CPNE1: variants seen among roughly 807,000 people sequenced by gnomAD.
CPNE1 encodes the protein copine-1.
Under a neutral mutation model 63.2 loss-of-function variants are expected in CPNE1, and 58 were observed. The observed-to-expected ratio is 0.92, with a 90% CI of 0.74 to 1.14. CPNE1 has a LOEUF of 1.14. Ranked by LOEUF, CPNE1 falls within the 50% of genes most tolerant of loss-of-function variation. CPNE1 has a pLI of 0.00. For missense variants in CPNE1, 672 were observed against 661.7 expected (o/e 1.02, Z -0.17); for synonymous variants, 237 against 249.0 (o/e 0.95, Z 0.45).
In CPNE1 at chr20:35,645,234, T is replaced by TA. The variant is rs777978117; in HGVS notation, c.1-12312dup. 1.1e-3 allele frequency among the ~76,000 whole-genome samples: 162 copies of TA among 152,196 alleles called. 2 individuals are homozygous for TA. Among genetic ancestry groups the TA allele is most frequent in the Non-Finnish European group, 3.4e-4 (23 of 68,022 alleles). Reference sequence around the variant, plus strand: ...CCTATTGTTCATAATGCAAGCCCCTTACCCTTCACTGGAATAAATTCATTT... The same window carrying TA: ...CCTATTGTTCATAATGCAAGCCCCTTAACCCTTCACTGGAATAAATTCATTT... On this transcript the variant is annotated intron_variant, in intron 1 of 15. Coordinates refer to ENST00000397443, the MANE Select transcript of CPNE1 (RefSeq NM_152925.3).
At chr20:35,629,020 T>A (rs1028369433) in intron 13 of CPNE1, among the ~76,000 whole-genome samples, 2 of 152,254 alleles carry the variant, frequency 1.3e-5, no homozygotes, top group African/African-American at 2.4e-5. Flanking sequence ...AAACACATAT[T>A]TTTAATCTTT....
At chr20:35,658,300 C>T (rs1226636387) in intron 1 of CPNE1, among the ~76,000 whole-genome samples, 1 of 152,098 alleles carries the variant, frequency 6.6e-6, no homozygotes, top group Non-Finnish European at 1.5e-5. Flanking sequence ...ATATCAATAA[C>T]AAGCATCTGT....
At chr20:35,644,312 G>C (rs2032990978) in intron 1 of CPNE1, among the ~76,000 whole-genome samples, 1 of 152,142 alleles carries the variant, frequency 6.6e-6, no homozygotes, top group Admixed American at 6.5e-5. Flanking sequence ...ATAACTAGCA[G>C]GACAGGGACA....
intron 1 of CPNE1, chr20:35,658,805 ACAC>A: frequency 1.5e-5 from 2 of 129,074 alleles, no homozygotes; most frequent in South Asian, 5.7e-5. Flanking sequence ...AAACAAAAAC[ACAC>A]ACACACACAC....
intron 1 of CPNE1, among the ~76,000 whole-genome samples, chr20:35,661,098 A>G (rs752107409): frequency 1.3e-4 from 20 of 152,246 alleles, no homozygotes; most frequent in Non-Finnish European, 2.5e-4. Flanking sequence ...CTTCTATTTC[A>G]GCAAAGAGGA....
chr20:35,658,561 C>T (rs183067665), intron 1 of CPNE1, among the ~76,000 whole-genome samples: 1 of 152,172 alleles, frequency 6.6e-6, no homozygotes, highest in East Asian at 1.9e-4. Context: ...GAGTTCAAGA[C>T]CAGCCTGGCC....
At chr20:35,653,254 G>C in intron 1 of CPNE1, 1 of 1,612,976 alleles carries the variant, frequency 6.2e-7, no homozygotes, top group African/African-American at 1.3e-5. Context: ...GGGCATTCCC[G>C]CACCAGGCAG....
intron 1 of CPNE1, among the ~76,000 whole-genome samples, chr20:35,660,560 A>G (rs1332469714): frequency 1.3e-5 from 2 of 152,170 alleles, no homozygotes; most frequent in Non-Finnish European, 2.9e-5. Flanking sequence ...TCTTCATTTG[A>G]AAGCCATATC....
chr20:35,645,244 T>C (rs1360559973), intron 1 of CPNE1, among the ~76,000 whole-genome samples: 1 of 152,198 alleles, frequency 6.6e-6, no homozygotes, highest in African/African-American at 2.4e-5. Context: ...TACCCTTCAC[T>C]GGAATAAATT....
At chr20:35,630,695 G>A (rs1396070596) in intron 12 of CPNE1, 46 bp downstream of exon 12, 1 of 1,602,706 alleles carries the variant, frequency 6.2e-7, no homozygotes, top group Non-Finnish European at 8.5e-7. Context: ...CCAAAATCAG[G>A]ACCCTGAAAC....
At position 35,632,543 on chromosome 20, in the gene CPNE1, CT is replaced by C. The variant is rs1568913678; in HGVS notation, c.282del (p.Gly96ValfsTer6). 2 of 1,613,748 alleles carry C rather than the reference CT, an allele frequency of 1.2e-6. No individual in the cohort carries two copies. The highest frequency in any genetic ancestry group is 2.2e-5 in the South Asian group (2 of 91,084). ...TGTCCTAGGGAACACTCAGCACCCC[CT>C]AGGAAGTCATCATCCCTCAGCTCTG... ...KTPELRDDDFLGGAECSLGQI... is the reference protein window; with the variant it reads ...KTPELRDDDFXGGAECSLGQI... On this transcript the variant is annotated frameshift_variant, in exon 3 of 16. Transcript: ENST00000397443. LOFTEE classifies it high-confidence loss of function.
At position 35,647,068 on chromosome 20, in the gene CPNE1, T is replaced by C. The variant is rs1490831033; in HGVS notation, c.1-14145A>G. The stretch of plus-strand genomic sequence containing the variant: ...GCTCATGCCTGTAATCCCAGCACTT[T>C]GGGAGGCTGAGGTGGGTGGATCACC... On this transcript the variant is annotated intron_variant, in intron 1 of 15. Coordinates refer to ENST00000397443, the MANE Select transcript of CPNE1 (RefSeq NM_152925.3). Among the ~76,000 whole-genome samples, 3 of 151,840 alleles carry C rather than the reference T, an allele frequency of 2.0e-5. No individual in the cohort carries two copies. In the East Asian group the frequency reaches 5.8e-4, roughly 29 times the overall value.
intron 1 of CPNE1, among the ~76,000 whole-genome samples, chr20:35,637,767 G>C (rs1417542707): frequency 6.6e-6 from 1 of 152,098 alleles, no homozygotes; most frequent in Non-Finnish European, 1.5e-5. Context: ...AAAACCCAAA[G>C]TTCTTACCAT....
chr20:35,652,355 GGTGA>G (rs2033581661), intron 1 of CPNE1: 8 of 713,368 alleles, frequency 1.1e-5, no homozygotes, highest in East Asian at 2.7e-5. Context: ...TGTTTATCCT[GGTGA>G]GTGAGTCTTC....
rs1388842415 is a variant in CPNE1 at position 35,632,529 on chromosome 20, A to T, written c.297T>A (p.Cys99Ter). The T allele has an allele frequency of 6.2e-7, 1 of 1,613,484 alleles. No individual in the cohort carries two copies. The highest frequency in any genetic ancestry group is 1.7e-5 in the Admixed American group (1 of 59,988). The part of the protein sequence containing the change: ...RDDDFLGGAE[C>*]SLGQIVSSQV... ...CAGCCCTACATACCTGTCCTAGGGA[A>T]CACTCAGCACCCCCTAGGAAGTCAT... The change falls in exon 3 of 16, where the codon TGT becomes TGA. Residue 99 changes from cysteine (C) to a stop codon, truncating the protein, a stop_gained. Coordinates refer to ENST00000397443, the MANE Select transcript of CPNE1 (RefSeq NM_152925.3). LOFTEE classifies it high-confidence loss of function.
At chr20:35,640,761 A>G (rs761445725) in intron 1 of CPNE1, among the ~76,000 whole-genome samples, 9 of 152,142 alleles carry the variant, frequency 5.9e-5, no homozygotes, top group Admixed American at 3.9e-4. Context: ...TGCTCTACTG[A>G]TATCTGTTAA....
chr20:35,641,688 CT>C (rs1315741809), intron 1 of CPNE1, among the ~76,000 whole-genome samples: 1 of 152,148 alleles, frequency 6.6e-6, no homozygotes, highest in East Asian at 1.9e-4. Context: ...TTTTCATGAT[CT>C]TTCCAGCACT....
intron 1 of CPNE1, among the ~76,000 whole-genome samples, chr20:35,637,631 G>A (rs900333083): frequency 6.6e-6 from 1 of 152,104 alleles, no homozygotes; most frequent in African/African-American, 2.4e-5. Context: ...GGATGACTGC[G>A]ATGTTTCCTC....
At chr20:35,653,232 T>TATTCCTGCACTGGGC in intron 1 of CPNE1, 2 of 1,613,548 alleles carry the variant, frequency 1.2e-6, no homozygotes, top group Non-Finnish European at 1.7e-6. Context: ...CTGCACTAGG[T>TATTCCTGCACTGGGC]ATTCCTGCAC....
Sources: gnomAD v4.1 joint callset for allele counts (sites outside exome capture counted in the v4.1 genomes callset) on GRCh38, gnomAD v4.1.1 for gene constraint, MANE v1.5 for transcripts, NCBI Gene and HGNC (gene_info 2026-07-23, HGNC 2026-07-21) for gene names.